Variants in IGSF10 observed in about 807,000 individuals in gnomAD.
The protein encoded by IGSF10 is calvaria mechanical force protein 608.
Under a neutral mutation model 128.2 loss-of-function variants are expected in IGSF10, and 126 were observed. That is an observed-to-expected ratio of 0.98 (90% CI 0.85 to 1.14). IGSF10 has a LOEUF of 1.14. IGSF10 is among the 50% of genes most tolerant of loss of function. The pLI is 0.00. For synonymous variants in IGSF10, 1,185 were observed against 1,146.2 expected (o/e 1.03, Z -0.68); for missense variants, 3,295 against 3,149.8 (o/e 1.05, Z -1.10).
At position 151,436,724 on chromosome 3, in the gene IGSF10, T is replaced by TACCA. The variant is rs770646978; in HGVS notation, c.7833_7836dup (p.Ser2613TrpfsTer2). 1.2e-6 allele frequency: 2 copies of TACCA among 1,613,684 alleles called. No individual in the cohort carries two copies. The highest frequency in any genetic ancestry group is 3.3e-5 in the Admixed American group (2 of 59,988). On this transcript the variant is annotated frameshift_variant, in exon 8 of 8. Transcript: ENST00000282466. LOFTEE classifies it high-confidence loss of function. ...TGAATATACGTTGCTGCATAATCAC[T>TACCA]ACCAAGTGGGTTCTTTGCTGTGCAT...
rs764879101 is a variant in IGSF10, at chr3:151,437,930, A to C, written c.6631T>G (p.Tyr2211Asp). Reference protein sequence around the residue: ...NKVKLLDSGEYVCVARNPSGD... With the variant: ...NKVKLLDSGEDVCVARNPSGD... ...CTGGGATTTCGGGCTACACATACGT[A>C]CTCTCCAGAATCGAGCAGTTTCACT... is the stretch of plus-strand genomic sequence containing the variant. The change falls in exon 8 of 8, where the codon TAC becomes GAC. Residue 2211 changes from tyrosine to aspartate, a missense_variant. Tyr to Asp is a radical substitution (Grantham distance 160). Coordinates refer to ENST00000282466, the MANE Select transcript of IGSF10 (RefSeq NM_178822.5). The C allele has an allele frequency of 6.2e-7, 1 of 1,614,120 alleles. No individual in the cohort carries two copies. The highest frequency in any genetic ancestry group is 1.6e-4 in the Middle Eastern group (1 of 6,062).
At chr3:151,455,304 G>GTA (rs1721732491) in intron 4 of IGSF10, among the ~76,000 whole-genome samples, 1 of 151,748 alleles carries the variant, frequency 6.6e-6, no homozygotes, top group African/African-American at 2.4e-5. Context: ...TAGAGATGGG[G>GTA]TTTCTCCATG....
At chr3:151,534,821 G>GTGTA in the IGSF10 span, among the ~76,000 whole-genome samples, 1 of 151,628 alleles carries the variant, frequency 6.6e-6, no homozygotes, top group African/African-American at 2.4e-5. Context: ...GTGTGTGTGT[G>GTGTA]TGTGTGTGTA....
intron 7 of IGSF10, chr3:151,440,905 C>T (rs551470609): frequency 2.6e-5 from 5 of 189,420 alleles, no homozygotes; most frequent in South Asian, 1.0e-4. Context: ...GCATATTCCC[C>T]GGCTTTGGTT....
Position 151,460,966 on chromosome 3 carries a change from T to C in IGSF10, c.-109A>G. On this transcript the variant is annotated 5_prime_UTR_variant, in exon 1 of 8. Coordinates refer to ENST00000282466, the MANE Select transcript of IGSF10 (RefSeq NM_178822.5). ...CTCACCTGTTTGCCCTGGTGACCAA[T>C]GGGCTCGAGCTGCCCGGGCTAGGTC... The C allele has an allele frequency of 1.0e-6, 1 of 985,322 alleles. No homozygotes were observed. The highest frequency in any genetic ancestry group is 1.2e-6 in the Non-Finnish European group (1 of 829,896). 61.0% of individuals were successfully genotyped at this position (985,322 alleles called of 1,614,324 possible).
the IGSF10 span, among the ~76,000 whole-genome samples, chr3:151,575,162 G>A: frequency 6.6e-6 from 1 of 152,198 alleles, no homozygotes; most frequent in Non-Finnish European, 1.5e-5. Context: ...AGCCCCTACT[G>A]GAAGGTGTCT....
chr3:151,590,605 A>G, the IGSF10 span, among the ~76,000 whole-genome samples: 4 of 152,194 alleles, frequency 2.6e-5, no homozygotes, highest in Non-Finnish European at 5.9e-5. Flanking sequence ...TTGCACAGGA[A>G]AAAAATGTGA....
chr3:151,554,171 T>C, the IGSF10 span, among the ~76,000 whole-genome samples: 7 of 151,660 alleles, frequency 4.6e-5, no homozygotes, highest in Non-Finnish European at 1.0e-4. Context: ...CACGCAAAGT[T>C]GTTTTTGAGA....
chr3:151,488,587 C>T, the IGSF10 span, among the ~76,000 whole-genome samples: 3 of 152,138 alleles, frequency 2.0e-5, no homozygotes, highest in African/African-American at 7.2e-5. Flanking sequence ...TACAAGTCTA[C>T]AGTAACCAAA....
the IGSF10 span, among the ~76,000 whole-genome samples, chr3:151,546,760 A>ATTCT: frequency 2.0e-5 from 3 of 151,914 alleles, no homozygotes; most frequent in Admixed American, 2.0e-4. Context: ...TTTTAAATTA[A>ATTCT]TTCTTTTCTC....
chr3:151,592,554 A>C, the IGSF10 span, among the ~76,000 whole-genome samples: 3 of 152,148 alleles, frequency 2.0e-5, no homozygotes, highest in East Asian at 5.8e-4. Context: ...GAGTTGGGGA[A>C]TCCACCTCTT....
At chr3:151,495,342 G>A in the IGSF10 span, among the ~76,000 whole-genome samples, 1 of 152,088 alleles carries the variant, frequency 6.6e-6, no homozygotes, top group Non-Finnish European at 1.5e-5. Context: ...AGTAAAAATA[G>A]CACAAATGCA....
the IGSF10 span, among the ~76,000 whole-genome samples, chr3:151,600,132 T>TA: frequency 2.2e-3 from 341 of 152,336 alleles, 4 homozygotes; most frequent in South Asian, 3.7e-3. Flanking sequence ...TTTCTATTTT[T>TA]ATCAGGTTTA....
At chr3:151,441,913 T>G (rs1720877434) in intron 7 of IGSF10, among the ~76,000 whole-genome samples, 1 of 151,994 alleles carries the variant, frequency 6.6e-6, no homozygotes, top group Admixed American at 6.6e-5. Context: ...TACAAAAAAT[T>G]AGTCGGATGT....
the IGSF10 span, among the ~76,000 whole-genome samples, chr3:151,488,802 AC>A: frequency 1.4e-4 from 21 of 152,210 alleles, no homozygotes; most frequent in African/African-American, 5.1e-4. Flanking sequence ...TCCCTTCCTT[AC>A]ACCTTATACA....
Position 151,447,771 on chromosome 3 carries a change from A to G in IGSF10, c.2210T>C (p.Phe737Ser), listed in dbSNP as rs781520303. 10 of 1,611,700 alleles carry G rather than the reference A, an allele frequency of 6.2e-6. No homozygotes were observed. Among genetic ancestry groups the G allele is most frequent in the Admixed American group, 5.0e-5 (3 of 59,900 alleles). ...QRRGDSTHRR[F>S]RENRRHFPPS... Reference sequence around the variant, plus strand: ...AGGGAAATGCCTCCTATTCTCCCTAAAACGTCGATGTGTTGAATCTCCACG... The same window carrying G: ...AGGGAAATGCCTCCTATTCTCCCTAGAACGTCGATGTGTTGAATCTCCACG... The change falls in exon 6 of 8, where the codon TTT becomes TCT. Residue 737 changes from phenylalanine to serine, a missense_variant. By Grantham distance (155) the Phe-to-Ser change is radical. Coordinates refer to ENST00000282466, the MANE Select transcript of IGSF10 (RefSeq NM_178822.5).
chr3:151,499,179 G>A, the IGSF10 span, among the ~76,000 whole-genome samples: 1 of 152,028 alleles, frequency 6.6e-6, no homozygotes, highest in Non-Finnish European at 1.5e-5. Flanking sequence ...ATCTTGTCGA[G>A]AGCATTGGCA....
the IGSF10 span, among the ~76,000 whole-genome samples, chr3:151,520,791 A>AC: frequency 5.9e-5 from 9 of 151,878 alleles, no homozygotes; most frequent in African/African-American, 1.9e-4. Flanking sequence ...TAAACATAAG[A>AC]CCAGTGTCCC....
chr3:151,557,722 A>G, the IGSF10 span, among the ~76,000 whole-genome samples: 3 of 151,724 alleles, frequency 2.0e-5, no homozygotes, highest in African/African-American at 4.8e-5. Context: ...TTCTAATACA[A>G]GAAGAGTGAG....
Sources: allele counts gnomAD v4.1 joint callset (sites outside exome capture counted in the v4.1 genomes callset), GRCh38; gene constraint gnomAD v4.1.1; transcripts MANE v1.5; gene names NCBI Gene and HGNC (gene_info 2026-07-23, HGNC 2026-07-21).